EPB41L4B: variants seen among roughly 807,000 people sequenced by gnomAD.
The protein encoded by EPB41L4B is erythrocyte membrane protein band 4.1 like 4B.
Under a neutral mutation model 112.5 loss-of-function variants are expected in EPB41L4B, and 30 were observed. The ratio of observed to expected loss-of-function variants is 0.27; its 90% CI spans 0.20 to 0.36. The LOEUF is 0.36. Ranked by LOEUF, EPB41L4B falls within the 10% of genes least tolerant of loss-of-function variation. The pLI, the probability that EPB41L4B is intolerant of heterozygous loss-of-function variation, is 1.00. For missense variants in EPB41L4B, 1,024 were observed against 1,133.3 expected (o/e 0.90, Z 1.38); for synonymous variants, 408 against 439.7 (o/e 0.93, Z 0.90).
At chr9:109,206,706 T>C (rs541998862) in intron 18 of EPB41L4B, among the ~76,000 whole-genome samples, 16 of 152,304 alleles carry the variant, frequency 1.1e-4, no homozygotes, top group Admixed American at 9.1e-4. Flanking sequence ...TGAGTTCAAG[T>C]GGGAGAATTT....
At chr9:109,208,697 T>G (rs1265035705) in intron 17 of EPB41L4B, among the ~76,000 whole-genome samples, 1 of 152,202 alleles carries the variant, frequency 6.6e-6, no homozygotes, top group Non-Finnish European at 1.5e-5. Flanking sequence ...TCTTTGAAAT[T>G]ATAGGCTTTG....
chr9:109,177,651 A>C (rs968996302), intron 24 of EPB41L4B, among the ~76,000 whole-genome samples: 1 of 151,686 alleles, frequency 6.6e-6, no homozygotes, highest in African/African-American at 2.4e-5. Flanking sequence ...GCAAAACCCC[A>C]TCTCTACTAA....
chr9:109,267,814 C>G (rs866265182), intron 3 of EPB41L4B, among the ~76,000 whole-genome samples: 5 of 152,176 alleles, frequency 3.3e-5, no homozygotes, highest in Middle Eastern at 3.2e-3. Context: ...TTACTAAAAG[C>G]TGACATTTTA....
In EPB41L4B at chr9:109,247,073, C is replaced by G. The variant is rs559731939; in HGVS notation, c.1344+683G>C. Among the ~76,000 whole-genome samples, 35 of 151,968 alleles carry G rather than the reference C, an allele frequency of 2.3e-4. No individual in the cohort carries two copies. In the South Asian group the frequency reaches 7.3e-3, roughly 32 times the overall value. ...TGCAGTGGTATTCATGATAATAGCT[C>G]ACTGCAGCCTTGAATTCCTGGGCTC... On this transcript the variant is annotated intron_variant, in intron 14 of 25. Coordinates refer to ENST00000374566, the MANE Select transcript of EPB41L4B (RefSeq NM_019114.5).
intron 15 of EPB41L4B, chr9:109,240,046 C>G: frequency 1.0e-6 from 1 of 985,366 alleles, no homozygotes; most frequent in Non-Finnish European, 1.2e-6. Context: ...TAACTGAATG[C>G]TCACCTTCAG....
intron 18 of EPB41L4B, 137 bp from the exon 19 acceptor site, chr9:109,203,867 T>C: frequency 2.9e-6 from 2 of 685,002 alleles, no homozygotes; most frequent in Non-Finnish European, 2.6e-6. Context: ...ACTCAATCAA[T>C]AGAGAATCTT....
chr9:109,174,586 T>C lies in EPB41L4B; in HGVS notation c.2671A>G (p.Met891Val), dbSNP rs1401109843. 1.2e-6 allele frequency: 2 copies of C among 1,614,010 alleles called. No homozygotes were observed. Among genetic ancestry groups the C allele is most frequent in the African/African-American group, 2.7e-5 (2 of 74,912 alleles). Residue 891 changes from methionine (M) to valine (V), a missense_variant, in exon 26 of 26, where the codon ATG becomes GTG. Physicochemically the swap from Met to Val is conservative, Grantham distance 21 (BLOSUM62 1). Transcript: ENST00000374566. ...TLRQELEREK[M>V]MKRLLMTEL ...TCGGTCATCAACAGTCTTTTCATCATCTTCTCTCTCTCCAGTTCCTGCCGG... is the reference window on the plus strand; with the variant it reads ...TCGGTCATCAACAGTCTTTTCATCACCTTCTCTCTCTCCAGTTCCTGCCGG...
At chr9:109,290,491 C>T (rs1457590638) in intron 1 of EPB41L4B, among the ~76,000 whole-genome samples, 2 of 151,996 alleles carry the variant, frequency 1.3e-5, no homozygotes, top group East Asian at 1.9e-4. Flanking sequence ...GAGATCAATT[C>T]CTTCTTTTCC....
At chr9:109,284,492 A>G (rs1291262721) in intron 1 of EPB41L4B, among the ~76,000 whole-genome samples, 1 of 152,184 alleles carries the variant, frequency 6.6e-6, no homozygotes, top group African/African-American at 2.4e-5. Flanking sequence ...AGTTCACTGT[A>G]GCCTTGAACT....
intron 1 of EPB41L4B, among the ~76,000 whole-genome samples, chr9:109,296,623 C>G (rs1054429598): frequency 1.3e-5 from 2 of 152,094 alleles, no homozygotes; most frequent in Non-Finnish European, 2.9e-5. Flanking sequence ...CAGTGGCTCA[C>G]ATCTGTAATC....
chr9:109,174,912 GTTTTTTTTTTTTT>G (rs35440007), intron 25 of EPB41L4B, among the ~76,000 whole-genome samples: 1 of 74,556 alleles, frequency 1.3e-5, no homozygotes, highest in Middle Eastern at 6.9e-3. Context: ...TCAGTAAAGT[GTTTTTTTTTTTTT>G]TTTTTTTTTG....
intron 18 of EPB41L4B, among the ~76,000 whole-genome samples, chr9:109,205,416 C>A (rs1225990048): frequency 1.3e-5 from 2 of 152,180 alleles, no homozygotes; most frequent in Non-Finnish European, 2.9e-5. Flanking sequence ...ACAGATAATA[C>A]CTGCAGCATG....
intron 2 of EPB41L4B, among the ~76,000 whole-genome samples, chr9:109,271,471 C>T (rs374390564): frequency 9.9e-5 from 15 of 152,224 alleles, no homozygotes; most frequent in Non-Finnish European, 1.8e-4. Context: ...TATCTTGTAT[C>T]CAACCAGTTC....
rs371643603 is a variant in EPB41L4B, at chr9:109,313,086, G to GA, written c.306+7054dup. On this transcript the variant is annotated intron_variant, in intron 1 of 25. Coordinates refer to ENST00000374566, the MANE Select transcript of EPB41L4B (RefSeq NM_019114.5). ...TGAGACCCCAATGTTACCAAAAAAAGAAAAAAAAACCTTCTCCAACTCCAG... is the reference window on the plus strand; with the variant it reads ...TGAGACCCCAATGTTACCAAAAAAAGAAAAAAAAAACCTTCTCCAACTCCAG... Among the ~76,000 whole-genome samples, 1,374 of 150,652 alleles carry GA rather than the reference G, an allele frequency of 9.1e-3. 27 individuals are homozygous for GA. Among genetic ancestry groups the GA allele is most frequent in the African/African-American group, 0.032 (1,308 of 41,042 alleles).
At chr9:109,267,402 T>C (rs1353239638) in intron 4 of EPB41L4B, 71 bp downstream of exon 4, 6 of 960,588 alleles carry the variant, frequency 6.2e-6, no homozygotes, top group East Asian at 2.4e-5. Context: ...AAACCCACAA[T>C]TGAGAAGAGC....
At chr9:109,269,012 C>T (rs1017351073) in intron 2 of EPB41L4B, among the ~76,000 whole-genome samples, 1 of 152,020 alleles carries the variant, frequency 6.6e-6, no homozygotes, top group African/African-American at 2.4e-5. Flanking sequence ...CATAAAACCC[C>T]TTAACCAATT....
chr9:109,225,533 G>A (rs763798308), intron 15 of EPB41L4B, among the ~76,000 whole-genome samples: 44 of 152,182 alleles, frequency 2.9e-4, no homozygotes, highest in Admixed American at 2.6e-4. Flanking sequence ...AATCTCATGA[G>A]ACTTATTCAC....
chr9:109,192,399 T>C (rs766923922), intron 21 of EPB41L4B, 44 bp from the exon 22 acceptor site: 26 of 1,472,558 alleles, frequency 1.8e-5, no homozygotes, highest in Non-Finnish European at 1.6e-5. Flanking sequence ...CGGCACTGCA[T>C]TGATGATAAA....
intron 1 of EPB41L4B, among the ~76,000 whole-genome samples, chr9:109,303,494 C>T (rs79319271): frequency 0.13 from 19,737 of 151,772 alleles, 1,790 homozygotes; most frequent in East Asian, 0.4. Context: ...TACAGGTGCA[C>T]GCCATCGCAC....
Sources: gnomAD v4.1 joint callset for allele counts (sites outside exome capture counted in the v4.1 genomes callset) on GRCh38, gnomAD v4.1.1 for gene constraint, MANE v1.5 for transcripts, NCBI Gene and HGNC (gene_info 2026-07-23, HGNC 2026-07-21) for gene names.